PCNT: variants seen among roughly 807,000 people sequenced by gnomAD.
PCNT encodes the protein pericentrin.
Under a neutral mutation model 380.4 loss-of-function variants are expected in PCNT, and 319 were observed. The observed-to-expected ratio is 0.84, with a 90% CI of 0.77 to 0.92. PCNT has a LOEUF of 0.92. Among genes scored for constraint, PCNT ranks in the 40% least tolerant of loss-of-function variants. The pLI is 0.00. For synonymous variants in PCNT, 1,845 were observed against 1,735.2 expected (o/e 1.06, Z -1.57); for missense variants, 4,400 against 4,255.3 (o/e 1.03, Z -0.95).
chr21:46,394,799 A>G (rs1356638122), intron 21 of PCNT, among the ~76,000 whole-genome samples: 1 of 152,222 alleles, frequency 6.6e-6, no homozygotes, highest in East Asian at 1.9e-4. Context: ...ATGTCTTGTG[A>G]TAGTTACAGC....
intron 1 of PCNT, 90 bp downstream of exon 1, chr21:46,324,372 A>G: frequency 8.6e-7 from 1 of 1,159,312 alleles, no homozygotes; most frequent in Non-Finnish European, 1.3e-6. Flanking sequence ...CCAGGAGAGG[A>G]CGCGGTCCGG....
chr21:46,375,170 G>A (rs2085295607), intron 15 of PCNT, among the ~76,000 whole-genome samples: 1 of 152,126 alleles, frequency 6.6e-6, no homozygotes. Flanking sequence ...GCCCTGCCCT[G>A]CCCCGCCTGT....
At chr21:46,387,618 G>A (rs541900112) in intron 17 of PCNT, among the ~76,000 whole-genome samples, 2 of 152,222 alleles carry the variant, frequency 1.3e-5, no homozygotes, top group East Asian at 1.9e-4. Flanking sequence ...CATTCTCTCC[G>A]TCAAGCCCCT....
rs59894003 is a variant in PCNT at position 46,353,751 on chromosome 21, T to TGTGTGTGTGTGTGA, written c.1680-235_1680-234insTGTGTGTGTGTGAG. ...GTGTGTGTGTGTGTGTGTGTGTGTG[T>TGTGTGTGTGTGTGA]GAGAGAGACAGAGAGAGAGTCAGTG... On this transcript the variant is annotated intron_variant, in intron 10 of 46. Transcript: ENST00000359568. Among the ~76,000 whole-genome samples, 9 of 104,402 alleles carry TGTGTGTGTGTGTGA rather than the reference T, an allele frequency of 8.6e-5. No individual in the cohort carries two copies. In the East Asian group the frequency reaches 1.5e-3, roughly 17 times the overall value. The allele number at this position is 104,402 out of a possible 152,430, so 68.5% of individuals were successfully genotyped here.
chr21:46,327,378 A>G (rs1313279947), intron 2 of PCNT, among the ~76,000 whole-genome samples: 4 of 145,752 alleles, frequency 2.7e-5, no homozygotes, highest in African/African-American at 9.9e-5. Flanking sequence ...ATTCTTAATA[A>G]ATTTGGGTTT....
intron 38 of PCNT, among the ~76,000 whole-genome samples, chr21:46,432,847 C>G (rs2087826666): frequency 1.3e-5 from 2 of 152,276 alleles, no homozygotes; most frequent in Middle Eastern, 6.8e-3. Flanking sequence ...TCTCAAACTT[C>G]TGACCTCAGG....
At chr21:46,412,167 A>G in intron 28 of PCNT, 100 bp downstream of exon 28, 1 of 1,376,008 alleles carries the variant, frequency 7.3e-7, no homozygotes. Flanking sequence ...TGGGGGCTGC[A>G]GTTGTCATGG....
At position 46,349,794 on chromosome 21, in the gene PCNT, G is replaced by T. The variant is rs1208184861; in HGVS notation, c.1318G>T (p.Glu440Ter). ...AGAAGACTTGGAGTTCAAGTTCAAA[G>T]AGAGCGAGAAAGAAAAACAGCTGGA... ...CLEDLEFKFK[E>*]SEKEKQLELE... is the part of the protein sequence containing the mutation. The change falls in exon 8 of 47, where the codon GAG (glutamate) becomes TAG (stop). Residue 440 changes from glutamate (E) to a stop codon, truncating the protein, a stop_gained. Coordinates refer to ENST00000359568, the MANE Select transcript of PCNT (RefSeq NM_006031.6). LOFTEE classifies it high-confidence loss of function. 2 of 1,614,106 alleles carry T rather than the reference G, an allele frequency of 1.2e-6. No individual in the cohort carries two copies. The highest frequency in any genetic ancestry group is 2.7e-5 in the African/African-American group (2 of 74,936).
At chr21:46,331,098 T>C (rs571102795) in intron 2 of PCNT, among the ~76,000 whole-genome samples, 9 of 152,254 alleles carry the variant, frequency 5.9e-5, no homozygotes, top group Admixed American at 3.3e-4. Context: ...TTCCAACATA[T>C]AATAAATTGC....
chr21:46,435,869 GA>G, intron 38 of PCNT, 34 bp from the exon 39 acceptor site: 2 of 1,613,570 alleles, frequency 1.2e-6, no homozygotes, highest in Non-Finnish European at 1.7e-6. Context: ...ACACTGACGT[GA>G]ACGTCTTCTC....
intron 21 of PCNT, among the ~76,000 whole-genome samples, chr21:46,392,202 T>G (rs1471973309): frequency 6.6e-6 from 1 of 152,188 alleles, no homozygotes; most frequent in African/African-American, 2.4e-5. Context: ...GTGTGATTCC[T>G]TGTTCCTATG....
At chr21:46,390,613 A>G (rs188211521) in intron 19 of PCNT, 57 bp from the exon 20 acceptor site, 6 of 1,585,582 alleles carry the variant, frequency 3.8e-6, no homozygotes, top group Non-Finnish European at 5.2e-6. Context: ...CTTGGTCTTA[A>G]TGTAGGCTTC....
At chr21:46,339,655 C>T (rs1282487394) in intron 3 of PCNT, among the ~76,000 whole-genome samples, 1 of 152,194 alleles carries the variant, frequency 6.6e-6, no homozygotes, top group Non-Finnish European at 1.5e-5. Context: ...TTTGGCCACA[C>T]TGGCAGCTGA....
At chr21:46,395,622 A>G (rs13049105) in intron 21 of PCNT, among the ~76,000 whole-genome samples, 1 of 151,592 alleles carries the variant, frequency 6.6e-6, no homozygotes, top group Non-Finnish European at 1.5e-5. Flanking sequence ...TTCAGGACTC[A>G]GCAACAGAGA....
At chr21:46,431,373 T>G in intron 37 of PCNT, 156 bp from the exon 38 acceptor site, 1 of 1,470,814 alleles carries the variant, frequency 6.8e-7, no homozygotes, top group Non-Finnish European at 9.0e-7. Context: ...CTTGATGAAC[T>G]AACAAAAAAA....
Position 46,346,746 on chromosome 21 carries a change from G to A in PCNT, c.724G>A (p.Val242Met), listed in dbSNP as rs147931950. The A allele has an allele frequency of 2.3e-4, 368 of 1,596,858 alleles. 3 individuals carry two copies. In the African/African-American group the frequency reaches 4.0e-3, roughly 17 times the overall value. ...DEAGLHQSQA[V>M]HGLELEALRL... The stretch of plus-strand genomic sequence containing the variant: ...AGAGGCCTTTTCTCCGCCGCAGGCC[G>A]TGCATGGCCTTGAGCTGGAGGCGCT... The change falls in exon 5 of 47, where the codon GTG becomes ATG. Residue 242 changes from valine (V) to methionine (M), a missense_variant. Val to Met is a conservative substitution (Grantham distance 21, BLOSUM62 1). Transcript: ENST00000359568.
chr21:46,391,132 G>T (rs373925423), intron 20 of PCNT, 32 bp from the exon 21 acceptor site: 13 of 1,543,308 alleles, frequency 8.4e-6, no homozygotes, highest in East Asian at 7.2e-5. Flanking sequence ...CCCAGGACTG[G>T]CTTTGTCAGA....
At chr21:46,352,879 CT>C (rs1258945973) in intron 9 of PCNT, among the ~76,000 whole-genome samples, 2 of 152,184 alleles carry the variant, frequency 1.3e-5, no homozygotes, top group Non-Finnish European at 2.9e-5. Context: ...TCGAGTGCTG[CT>C]TTTGCTCCCA....
intron 6 of PCNT, among the ~76,000 whole-genome samples, chr21:46,347,981 G>C (rs183391634): frequency 6.6e-6 from 1 of 152,236 alleles, no homozygotes; most frequent in Non-Finnish European, 1.5e-5. Flanking sequence ...CAGGCCCTCC[G>C]CTAGAGGGCT....
Sources: allele counts gnomAD v4.1 joint callset (sites outside exome capture counted in the v4.1 genomes callset), GRCh38; gene constraint gnomAD v4.1.1; transcripts MANE v1.5; gene names NCBI Gene and HGNC (gene_info 2026-07-23, HGNC 2026-07-21).